ZMYND11: variants seen among roughly 807,000 people sequenced by gnomAD.
ZMYND11 encodes the protein zinc finger MYND-type containing 11, also known as zinc finger MYND domain-containing protein 11.
In ZMYND11, 9 loss-of-function variants were observed where a neutral mutation model predicts 84.9. The ratio of observed to expected loss-of-function variants is 0.11; its 90% CI spans 0.06 to 0.18. ZMYND11 has a LOEUF of 0.18. ZMYND11 is among the 10% of genes least tolerant of loss of function. The pLI, the probability that ZMYND11 is intolerant of heterozygous loss-of-function variation, is 1.00. For missense variants in ZMYND11, 409 were observed against 761.0 expected (o/e 0.54, Z 5.44); for synonymous variants, 250 against 244.1 (o/e 1.02, Z -0.23).
intron 2 of ZMYND11, among the ~76,000 whole-genome samples, chr10:202,888 T>C (rs1943481777): frequency 6.6e-6 from 1 of 152,132 alleles, no homozygotes; most frequent in Non-Finnish European, 1.5e-5. Flanking sequence ...TCTATGGTTG[T>C]TTCTTAGTGG....
intron 1 of ZMYND11, among the ~76,000 whole-genome samples, chr10:175,443 C>T (rs956056674): frequency 5.9e-5 from 9 of 152,174 alleles, no homozygotes; most frequent in African/African-American, 1.9e-4. Context: ...TGGCGCACGC[C>T]TGTAATCCTA....
intron 2 of ZMYND11, among the ~76,000 whole-genome samples, chr10:195,761 G>C (rs918705012): frequency 6.6e-6 from 1 of 152,190 alleles, no homozygotes; most frequent in Non-Finnish European, 1.5e-5. Flanking sequence ...GCACATTCTA[G>C]GGGCTTTTGT....
intron 4 of ZMYND11, among the ~76,000 whole-genome samples, chr10:226,809 A>G (rs868743760): frequency 1.3e-5 from 2 of 152,178 alleles, no homozygotes; most frequent in African/African-American, 4.8e-5. Context: ...TTATATTACT[A>G]TTCTTTATAT....
chr10:172,570 A>T (rs2131656843), intron 1 of ZMYND11, among the ~76,000 whole-genome samples: 1 of 152,324 alleles, frequency 6.6e-6, no homozygotes, highest in East Asian at 1.9e-4. Flanking sequence ...TATATCAGGA[A>T]GACTGCAGAG....
chr10:160,396 G>T (rs1432434732), intron 1 of ZMYND11, among the ~76,000 whole-genome samples: 2 of 152,196 alleles, frequency 1.3e-5, no homozygotes, highest in Non-Finnish European at 2.9e-5. Context: ...CTGGTGGAGG[G>T]TCTTGCCTTG....
rs749996660 is a variant in ZMYND11 at position 252,495 on chromosome 10, C to T, written c.*25C>T. On this transcript the variant is annotated 3_prime_UTR_variant, in exon 15 of 15. Transcript: ENST00000381604. The surrounding 1 kb of genome is among the most constrained non-coding windows in gnomAD (Gnocchi z 4.6). ...AAGCTGGCCCTTCCCGGAGTCACCCCGATGATTACTCTTTTCAGACACAGC... is the reference window on the plus strand; with the variant it reads ...AAGCTGGCCCTTCCCGGAGTCACCCTGATGATTACTCTTTTCAGACACAGC... 26 of 1,599,994 alleles carry T rather than the reference C, an allele frequency of 1.6e-5. No homozygotes were observed. Among genetic ancestry groups the T allele is most frequent in the African/African-American group, 5.4e-5 (4 of 74,666 alleles).
At chr10:184,808 C>G (rs1438548600) in intron 2 of ZMYND11, among the ~76,000 whole-genome samples, 2 of 152,048 alleles carry the variant, frequency 1.3e-5, no homozygotes, top group Admixed American at 1.3e-4. Flanking sequence ...ATTTATGGCT[C>G]TAAAGTTCTC....
intron 4 of ZMYND11, among the ~76,000 whole-genome samples, chr10:221,581 C>T (rs549599448): frequency 6.6e-6 from 1 of 152,306 alleles, no homozygotes; most frequent in African/African-American, 2.4e-5. Flanking sequence ...AATATATCCT[C>T]TTCCCTTCCC....
chr10:236,822 C>CT lies in ZMYND11; in HGVS notation c.439-7dup, dbSNP rs35064335. 5.6e-4 allele frequency: 876 copies of CT among 1,564,226 alleles called. No individual in the cohort carries two copies. Among genetic ancestry groups the CT allele is most frequent in the Admixed American group, 7.5e-4 (43 of 57,628 alleles). ...ATCAGATTTTGTACCTTTTTTTATT[C>CT]TTTTTTTTTCAATAGAGCATTAAGA... On this transcript the variant is annotated splice_polypyrimidine_tract_variant and intron_variant, in intron 4 of 14. Coordinates refer to ENST00000381604, the MANE Select transcript of ZMYND11 (RefSeq NM_001370100.5).
chr10:192,989 T>C (rs1298892134), intron 2 of ZMYND11, among the ~76,000 whole-genome samples: 2 of 152,256 alleles, frequency 1.3e-5, no homozygotes, highest in Non-Finnish European at 2.9e-5. Flanking sequence ...GTCATCTGTT[T>C]ATTTAACTTT....
intron 1 of ZMYND11, among the ~76,000 whole-genome samples, chr10:147,608 G>C (rs1210896592): frequency 6.7e-6 from 1 of 150,252 alleles, no homozygotes; most frequent in Non-Finnish European, 1.5e-5. Context: ...TCAAGAATCA[G>C]ATCCATGAAG....
rs551522644 is a variant in ZMYND11, at chr10:170,757, T to C, written c.-19-9237T>C. Among the ~76,000 whole-genome samples, 3 of 151,634 alleles carry C rather than the reference T, an allele frequency of 2.0e-5. No individual in the cohort carries two copies. The South Asian group carries it at 6.3e-4, about 32-fold the overall frequency. On this transcript the variant is annotated intron_variant, in intron 1 of 14. Transcript: ENST00000381604. Reference sequence around the variant, plus strand: ...AATGCTCAACTAAAACCACAAAAGGTAGAAAAAGTGTGGAAGACAGAAATA... The same window carrying C: ...AATGCTCAACTAAAACCACAAAAGGCAGAAAAAGTGTGGAAGACAGAAATA...
At chr10:151,562 A>G (rs1294749800) in intron 1 of ZMYND11, among the ~76,000 whole-genome samples, 2 of 152,234 alleles carry the variant, frequency 1.3e-5, no homozygotes, top group African/African-American at 4.8e-5. Flanking sequence ...ATATGGGACT[A>G]TGTGAAAAGA....
At chr10:226,082 T>G (rs891019435) in intron 4 of ZMYND11, among the ~76,000 whole-genome samples, 4 of 152,172 alleles carry the variant, frequency 2.6e-5, no homozygotes, top group African/African-American at 9.7e-5. Flanking sequence ...ATGTTCTAAA[T>G]GCCTATACCA....
At chr10:200,240 A>T (rs1028093591) in intron 2 of ZMYND11, among the ~76,000 whole-genome samples, 6 of 23,986 alleles carry the variant, frequency 2.5e-4, no homozygotes, top group South Asian at 2.1e-3. Flanking sequence ...TATATATAAA[A>T]ATATATATAT....
At chr10:152,287 C>G (rs976329310) in intron 1 of ZMYND11, among the ~76,000 whole-genome samples, 2 of 152,114 alleles carry the variant, frequency 1.3e-5, no homozygotes, top group African/African-American at 4.8e-5. Context: ...GATAAAGAGT[C>G]GAGACCCATC....
chr10:213,043 T>G lies in ZMYND11; in HGVS notation c.276+2995T>G, dbSNP rs148913733. ...TCTAGGAGGAGGACATATAATTGTTTCCCACTAGGCACAGCACATGCATCT... is the reference window on the plus strand; with the variant it reads ...TCTAGGAGGAGGACATATAATTGTTGCCCACTAGGCACAGCACATGCATCT... On this transcript the variant is annotated intron_variant, in intron 3 of 14. Transcript: ENST00000381604. Among the ~76,000 whole-genome samples, 791 of 152,278 alleles carry G rather than the reference T, an allele frequency of 5.2e-3. 2 individuals are homozygous for G. The highest frequency in any genetic ancestry group is 8.2e-3 in the Non-Finnish European group (558 of 68,018).
chr10:240,006 C>T (rs1322850221), intron 7 of ZMYND11, 50 bp from the exon 8 acceptor site: 12 of 1,483,208 alleles, frequency 8.1e-6, no homozygotes, highest in Non-Finnish European at 1.1e-5. Flanking sequence ...AACTTTGAGT[C>T]TTGTATTTGC....
intron 2 of ZMYND11, among the ~76,000 whole-genome samples, chr10:187,863 C>T (rs1278846544): frequency 6.6e-6 from 1 of 152,120 alleles, no homozygotes; most frequent in Non-Finnish European, 1.5e-5. Flanking sequence ...TAAATAAGCA[C>T]AAATAAATTT....
Sources: gnomAD v4.1 joint callset for allele counts (sites outside exome capture counted in the v4.1 genomes callset) on GRCh38, gnomAD v4.1.1 for gene constraint, Gnocchi (gnomAD v3.1) non-coding constraint, MANE v1.5 for transcripts, NCBI Gene and HGNC (gene_info 2026-07-23, HGNC 2026-07-21) for gene names.